ADGRB3: variants seen among roughly 807,000 people sequenced by gnomAD.
ADGRB3 encodes brain-specific angiogenesis inhibitor 3.
Under a neutral mutation model 193.4 loss-of-function variants are expected in ADGRB3, and 37 were observed. The observed-to-expected ratio is 0.19, with a 90% CI of 0.15 to 0.25. The LOEUF (loss-of-function observed/expected upper bound fraction) is 0.25, where lower values mean the gene tolerates loss of function less well. Ranked by LOEUF, ADGRB3 falls within the 10% of genes least tolerant of loss-of-function variation. The pLI is 1.00. For missense variants in ADGRB3, 1,637 were observed against 1,852.9 expected, an observed-to-expected ratio of 0.88 and a Z score of 2.14; for synonymous variants, 690 against 644.2, an observed-to-expected ratio of 1.07 and a Z score of -1.08.
chr6:69,228,980 A>C (rs1766078985), intron 17 of ADGRB3, among the ~76,000 whole-genome samples: 1 of 152,134 alleles, frequency 6.6e-6, no homozygotes, highest in African/African-American at 2.4e-5. Flanking sequence ...ACATTTGAAA[A>C]AGTAATATCC....
intron 23 of ADGRB3, chr6:69,331,412 T>A (rs1768725751): frequency 6.4e-6 from 2 of 314,238 alleles, no homozygotes; most frequent in South Asian, 1.3e-4. Context: ...AATATTCATA[T>A]TGCTATACAA....
At position 68,687,358 on chromosome 6, in the gene ADGRB3, T is replaced by C. The variant is rs146261575; in HGVS notation, c.757+47926T>C. ...ATCTTCAAAAAGTTCATAGAAAATATATGTTATGAAAAAACTATGCATGGA... is the reference window on the plus strand; with the variant it reads ...ATCTTCAAAAAGTTCATAGAAAATACATGTTATGAAAAAACTATGCATGGA... On this transcript the variant is annotated intron_variant, in intron 3 of 31. Transcript: ENST00000370598. 1.0e-3 allele frequency among the ~76,000 whole-genome samples: 157 copies of C among 152,242 alleles called. 1 individual carries two copies. The highest frequency in any genetic ancestry group is 3.5e-3 in the African/African-American group (145 of 41,546).
intron 17 of ADGRB3, among the ~76,000 whole-genome samples, chr6:69,159,109 T>C (rs1054628447): frequency 2.6e-5 from 4 of 152,068 alleles, no homozygotes; most frequent in African/African-American, 7.2e-5. Context: ...GCTTCTTACA[T>C]TGAGTCTGAA....
intron 3 of ADGRB3, among the ~76,000 whole-genome samples, chr6:68,754,642 T>G (rs1766264922): frequency 6.6e-6 from 1 of 152,108 alleles, no homozygotes; most frequent in Admixed American, 6.6e-5. Context: ...AAAATGTAGA[T>G]TCTGAGCTCA....
In ADGRB3 at chr6:69,291,909, C is replaced by T. The variant is rs144576749; in HGVS notation, c.2815-32963C>T. ...CCTTGCCCTGAAACAAGTCATAAGA[C>T]CCTCATGTGAGAGGTGCCCTCCCTA... On this transcript the variant is annotated intron_variant, in intron 20 of 31. Transcript: ENST00000370598. Among the ~76,000 whole-genome samples the T allele has an allele frequency of 4.5e-4, 69 of 152,252 alleles. 1 individual carries two copies. The highest frequency in any genetic ancestry group is 1.6e-3 in the African/African-American group (65 of 41,548).
chr6:68,639,968 A>C (rs928259089), intron 3 of ADGRB3, among the ~76,000 whole-genome samples: 14 of 152,108 alleles, frequency 9.2e-5, no homozygotes, highest in Non-Finnish European at 1.8e-4. Flanking sequence ...GGACCAAATG[A>C]CTTCCTGACA....
At chr6:68,663,367 C>A (rs939159836) in intron 3 of ADGRB3, among the ~76,000 whole-genome samples, 7 of 151,400 alleles carry the variant, frequency 4.6e-5, no homozygotes, top group Admixed American at 3.3e-4. Flanking sequence ...CATAATAAAT[C>A]ATATAAAATA....
chr6:69,002,781 A>G (rs1203626391), intron 11 of ADGRB3, among the ~76,000 whole-genome samples: 1 of 152,222 alleles, frequency 6.6e-6, no homozygotes, highest in Non-Finnish European at 1.5e-5. Context: ...TTGACTAAAT[A>G]AGATCTGGGA....
chr6:69,017,556 TA>T (rs905393928), intron 12 of ADGRB3, among the ~76,000 whole-genome samples: 5 of 151,746 alleles, frequency 3.3e-5, no homozygotes, highest in Non-Finnish European at 7.4e-5. Flanking sequence ...GGTTGCCAAA[TA>T]AAAAAACACT....
intron 26 of ADGRB3, among the ~76,000 whole-genome samples, chr6:69,345,878 T>C (rs559408880): frequency 4.6e-5 from 7 of 152,274 alleles, no homozygotes; most frequent in African/African-American, 1.7e-4. Flanking sequence ...CCCCAAACCT[T>C]CTTCAGCTGA....
rs150799777 is a variant in ADGRB3 at position 68,639,268 on chromosome 6, G to A, written c.593G>A (p.Cys198Tyr). The change falls in exon 3 of 32, where the codon TGC becomes TAC. Residue 198 changes from cysteine to tyrosine, a missense_variant. Coordinates refer to ENST00000370598, the MANE Select transcript of ADGRB3 (RefSeq NM_001704.3). ...SCGIMYTKCT[C>Y]PQHLGEWGID... ...GGGATCATGTATACAAAATGCACCT[G>A]CCCTCAGCATTTGGGAGAGTGGGGG... 1 of 1,614,116 alleles carries A rather than the reference G, an allele frequency of 6.2e-7. No homozygotes were observed. The highest frequency in any genetic ancestry group is 8.5e-7 in the Non-Finnish European group (1 of 1,180,012).
chr6:68,655,478 T>G (rs1768470140), intron 3 of ADGRB3, among the ~76,000 whole-genome samples: 1 of 151,728 alleles, frequency 6.6e-6, no homozygotes, highest in African/African-American at 2.4e-5. Flanking sequence ...TCACTGCAAT[T>G]AGAATTCTTT....
rs544561135 is a variant in ADGRB3, at chr6:68,712,200, C to G, written c.757+72768C>G. ...GAGGCTTAATTTATGCGTATAACATCATTTTGCAACTTATCTGAGTTCAGC... is the reference window on the plus strand; with the variant it reads ...GAGGCTTAATTTATGCGTATAACATGATTTTGCAACTTATCTGAGTTCAGC... On this transcript the variant is annotated intron_variant, in intron 3 of 31. Coordinates refer to ENST00000370598, the MANE Select transcript of ADGRB3 (RefSeq NM_001704.3). 8.6e-5 allele frequency among the ~76,000 whole-genome samples: 13 copies of G among 151,946 alleles called. No homozygotes were observed. The South Asian group carries it at 2.7e-3, about 32-fold the overall frequency.
intron 3 of ADGRB3, among the ~76,000 whole-genome samples, chr6:68,883,738 AG>A (rs754523472): frequency 6.6e-6 from 1 of 152,192 alleles, no homozygotes; most frequent in East Asian, 1.9e-4. Flanking sequence ...GAACATGAGA[AG>A]GAACAAACGC....
At chr6:69,043,290 G>GAAAGAAAGAA (rs1554252052) in intron 13 of ADGRB3, among the ~76,000 whole-genome samples, 5 of 88,088 alleles carry the variant, frequency 5.7e-5, no homozygotes, top group South Asian at 3.7e-4. Flanking sequence ...GGAAGAAAGA[G>GAAAGAAAGAA]AGAAAGAAAG....
intron 20 of ADGRB3, among the ~76,000 whole-genome samples, chr6:69,263,107 CAA>C (rs1009795498): frequency 5.3e-5 from 8 of 151,940 alleles, no homozygotes; most frequent in Non-Finnish European, 7.4e-5. Flanking sequence ...AAGTGGCTCT[CAA>C]GAGATATTAA....
intron 3 of ADGRB3, among the ~76,000 whole-genome samples, chr6:68,880,216 C>G (rs1375106597): frequency 6.6e-6 from 1 of 152,138 alleles, no homozygotes; most frequent in Non-Finnish European, 1.5e-5. Context: ...GGTCAGTCAG[C>G]TGGGCAAGGG....
At chr6:69,131,843 T>C (rs1774021235) in intron 17 of ADGRB3, among the ~76,000 whole-genome samples, 1 of 151,732 alleles carries the variant, frequency 6.6e-6, no homozygotes, top group African/African-American at 2.4e-5. Context: ...TTTCTCATTG[T>C]TCATCTCCCA....
At chr6:69,158,557 G>A (rs1430874072) in intron 17 of ADGRB3, among the ~76,000 whole-genome samples, 1 of 151,762 alleles carries the variant, frequency 6.6e-6, no homozygotes, top group Non-Finnish European at 1.5e-5. Context: ...AATGAAATAT[G>A]GCTTTATAAA....
Sources: gnomAD v4.1 joint callset for allele counts (sites outside exome capture counted in the v4.1 genomes callset) on GRCh38, gnomAD v4.1.1 for gene constraint, MANE v1.5 for transcripts, NCBI Gene and HGNC (gene_info 2026-07-23, HGNC 2026-07-21) for gene names.